MAFF: variants seen among roughly 807,000 people sequenced by gnomAD.
MAFF encodes the protein transcription factor MafF.
Under a neutral mutation model 2.7 loss-of-function variants are expected in MAFF, and 4 were observed. The observed-to-expected ratio is 1.48, with a 90% CI of 0.73 to 3.39. The LOEUF is 3.39. Among genes scored for constraint, MAFF ranks in the 30% most tolerant of loss-of-function variants. The pLI, the probability that MAFF is intolerant of heterozygous loss-of-function variation, is 0.01. For synonymous variants in MAFF, 113 were observed against 119.4 expected (o/e 0.95, Z 0.35); for missense variants, 190 against 246.6 (o/e 0.77, Z 1.54).
At chr22:38,206,517 T>C (rs1261046827) in intron 1 of MAFF, among the ~76,000 whole-genome samples, 1 of 29,110 alleles carries the variant, frequency 3.4e-5, no homozygotes, top group African/African-American at 1.5e-4. Context: ...AATTTTTGCA[T>C]TTTTTTTTTT....
intron 1 of MAFF, among the ~76,000 whole-genome samples, chr22:38,208,607 C>G (rs2091071801): frequency 1.3e-5 from 2 of 152,176 alleles, no homozygotes; most frequent in African/African-American, 4.8e-5. Context: ...ATCCACCCTT[C>G]CCCAGTGCCT....
chr22:38,212,530 C>G (rs62228647), intron 1 of MAFF, among the ~76,000 whole-genome samples: 4 of 152,280 alleles, frequency 2.6e-5, no homozygotes, highest in Admixed American at 2.6e-4. Context: ...CTTTTTCTCC[C>G]CATTACCAAG....
intron 1 of MAFF, among the ~76,000 whole-genome samples, chr22:38,207,820 T>A (rs2091064899): frequency 6.6e-6 from 1 of 152,140 alleles, no homozygotes. Flanking sequence ...GGTCTTGAAC[T>A]CTCAGGCCTG....
At chr22:38,210,010 C>A (rs895561505) in intron 1 of MAFF, among the ~76,000 whole-genome samples, 3 of 152,058 alleles carry the variant, frequency 2.0e-5, no homozygotes, top group African/African-American at 7.2e-5. Flanking sequence ...AGGGCCTGAG[C>A]CCCCTAGGAT....
chr22:38,202,834 G>T lies in MAFF; in HGVS notation c.-32+622G>T, dbSNP rs1207248397. 1 of 152,172 alleles carries T rather than the reference G, an allele frequency of 6.6e-6. No individual in the cohort carries two copies. The highest frequency in any genetic ancestry group is 1.5e-5 in the Non-Finnish European group (1 of 68,038). The allele number at this position is 152,172 out of a possible 1,614,324, so 9.4% of individuals were successfully genotyped here. A position where few individuals can be genotyped will look rare whatever the true frequency, so the allele number is the denominator to read the frequency against. On this transcript the variant is annotated intron_variant, in intron 1 of 2. Transcript: ENST00000338483. The surrounding 1 kb of genome is among the most constrained non-coding windows in gnomAD (Gnocchi z 7.4). ...GGACCCGAGCGAAGGAAGCGGACCC[G>T]TGCGTCTTCGCACGGGGTCTGGGAA...
intron 1 of MAFF, among the ~76,000 whole-genome samples, chr22:38,209,043 G>GTT (rs58201998): frequency 5.4e-5 from 8 of 148,272 alleles, no homozygotes; most frequent in Admixed American, 5.4e-4. Context: ...ACCATGGAAG[G>GTT]TTTTTTTTTT....
rs1229400616 is a variant in MAFF at position 38,215,017 on chromosome 22, CCT to C, written c.*140_*141del. The C allele has an allele frequency of 7.3e-6, 5 of 684,496 alleles. No individual in the cohort carries two copies. The East Asian group carries it at 1.0e-4, about 14-fold the overall frequency. The allele number at this position is 684,496 out of a possible 1,614,324, so 42.4% of individuals were successfully genotyped here. A position where few individuals can be genotyped will look rare whatever the true frequency, so the allele number is the denominator to read the frequency against. On this transcript the variant is annotated 3_prime_UTR_variant, in exon 3 of 3. Coordinates refer to ENST00000338483, the MANE Select transcript of MAFF (RefSeq NM_012323.4). ...GTGCACACACATTCCCTTCGTGGGC[CCT>C]GTCTTCCTCTTGCAGCCCCCCAAAC...
In MAFF at chr22:38,214,811, C is replaced by A; in HGVS notation, c.428C>A (p.Thr143Asn). ...AGCGTCATCACCATCGTCAAGTCCACCCCGGGCTCGGGGTCTGGCCCCGCC... is the reference window on the plus strand; with the variant it reads ...AGCGTCATCACCATCGTCAAGTCCAACCCGGGCTCGGGGTCTGGCCCCGCC... ...PASVITIVKS[T>N]PGSGSGPAHG... Residue 143 changes from threonine (T) to asparagine (N), a missense_variant, in exon 3 of 3, where the codon ACC becomes AAC. By Grantham distance (65) the Thr-to-Asn change is moderately conservative. Transcript: ENST00000338483. The surrounding 1 kb of genome is among the most constrained non-coding windows in gnomAD (Gnocchi z 6.3). 6.7e-7 allele frequency: 1 copy of A among 1,488,604 alleles called. No homozygotes were observed. 92.2% of individuals were successfully genotyped at this position (1,488,604 alleles called of 1,614,324 possible). A position where few individuals can be genotyped will look rare whatever the true frequency, so the allele number is the denominator to read the frequency against.
At chr22:38,209,485 G>C (rs1039813048) in intron 1 of MAFF, among the ~76,000 whole-genome samples, 2 of 152,096 alleles carry the variant, frequency 1.3e-5, no homozygotes, top group East Asian at 3.9e-4. Context: ...GACCTCCCCA[G>C]GTGTGTGTAG....
chr22:38,209,813 CAAAAAAAAA>C (rs398037113), intron 1 of MAFF, among the ~76,000 whole-genome samples: 1 of 76,470 alleles, frequency 1.3e-5, no homozygotes, highest in Non-Finnish European at 2.4e-5. Context: ...GACTCCATCT[CAAAAAAAAA>C]AAAAAAAAAA....
rs1450317451 is a variant in MAFF at position 38,202,131 on chromosome 22, G to C, written c.-113G>C. The C allele has an allele frequency of 6.6e-6, 1 of 152,330 alleles. No homozygotes were observed. Among genetic ancestry groups the C allele is most frequent in the Non-Finnish European group, 1.5e-5 (1 of 68,116 alleles). 9.4% of individuals were successfully genotyped at this position (152,330 alleles called of 1,614,324 possible). On this transcript the variant is annotated 5_prime_UTR_variant, in exon 1 of 3. Coordinates refer to ENST00000338483, the MANE Select transcript of MAFF (RefSeq NM_012323.4). The surrounding 1 kb of genome is among the most constrained non-coding windows in gnomAD (Gnocchi z 7.4). ...GCTCAGAGCGGAGGGGAGACTGACCGGAGCGCGGATCGGGACAGCGGCCGG... is the reference window on the plus strand; with the variant it reads ...GCTCAGAGCGGAGGGGAGACTGACCCGAGCGCGGATCGGGACAGCGGCCGG...
At chr22:38,207,746 C>T (rs757552019) in intron 1 of MAFF, among the ~76,000 whole-genome samples, 19 of 152,042 alleles carry the variant, frequency 1.2e-4, no homozygotes, top group Non-Finnish European at 2.8e-4. Flanking sequence ...TATAGGTGTG[C>T]ACCACTGCAC....
intron 2 of MAFF, 100 bp downstream of exon 2, chr22:38,213,989 TGGC>T: frequency 7.4e-7 from 1 of 1,352,824 alleles, no homozygotes; most frequent in Non-Finnish European, 1.0e-6. Flanking sequence ...ATCCCCTGGG[TGGC>T]TCAGCAGGCA....
At chr22:38,203,790 G>A (rs1386023989) in intron 1 of MAFF, 1 of 152,300 alleles carries the variant, frequency 6.6e-6, no homozygotes, top group African/African-American at 2.4e-5. Flanking sequence ...CTACCACTGG[G>A]AACTAGGTAA....
rs1439583675 is a variant in MAFF, at chr22:38,214,608, G to T, written c.225G>T (p.Gln75His). Reference sequence around the variant, plus strand: ...GCTGCCGCGTGAAGCGCGTGTGCCAGAAGGAGGAGCTGCAGAAGCAGAAGT... The same window carrying T: ...GCTGCCGCGTGAAGCGCGTGTGCCATAAGGAGGAGCTGCAGAAGCAGAAGT... ...AASCRVKRVC[Q>H]KEELQKQKSE... is the part of the protein sequence containing the mutation. The change falls in exon 3 of 3, where the codon CAG (glutamine) becomes CAT (histidine). Residue 75 changes from glutamine to histidine, a missense_variant. Coordinates refer to ENST00000338483, the MANE Select transcript of MAFF (RefSeq NM_012323.4). This position sits in a 1 kb window ranked among gnomAD's most constrained non-coding sequence, Gnocchi z 6.3. 3 of 1,580,554 alleles carry T rather than the reference G, an allele frequency of 1.9e-6. No homozygotes were observed. Among genetic ancestry groups the T allele is most frequent in the Non-Finnish European group, 2.6e-6 (3 of 1,164,052 alleles).
intron 1 of MAFF, among the ~76,000 whole-genome samples, chr22:38,206,876 C>T (rs902721079): frequency 6.6e-6 from 1 of 152,042 alleles, no homozygotes; most frequent in Admixed American, 6.6e-5. Context: ...AGCATCACTG[C>T]ACGTGCCAGC....
Position 38,214,803 on chromosome 22 carries a change from C to G in MAFF, c.420C>G (p.Val140=), listed in dbSNP as rs2091132379. ...CGCCGGCCAGCGTCATCACCATCGT[C>G]AAGTCCACCCCGGGCTCGGGGTCTG... The part of the protein sequence containing the change: ...LVAPASVITI[V]KSTPGSGSGP... Residue 140 remains valine (V), a synonymous_variant, in exon 3 of 3, where the codon GTC becomes GTG. Transcript: ENST00000338483. This position sits in a 1 kb window ranked among gnomAD's most constrained non-coding sequence, Gnocchi z 6.3. 1 of 1,484,716 alleles carries G rather than the reference C, an allele frequency of 6.7e-7. No individual in the cohort carries two copies. Among genetic ancestry groups the G allele is most frequent in the Non-Finnish European group, 8.9e-7 (1 of 1,123,220 alleles). The allele number at this position is 1,484,716 out of a possible 1,614,324, so 92.0% of individuals were successfully genotyped here.
Position 38,202,743 on chromosome 22 carries a change from A to G in MAFF, c.-32+531A>G, listed in dbSNP as rs948468110. The G allele has an allele frequency of 1.3e-5, 2 of 152,282 alleles. No individual in the cohort carries two copies. The highest frequency in any genetic ancestry group is 4.8e-5 in the African/African-American group (2 of 41,386). 9.4% of individuals were successfully genotyped at this position (152,282 alleles called of 1,614,324 possible). ...CGCGCGCGCGCTCCCTGGGGCCTGT[A>G]CACCAGCAGTGTGTACCTCGGAGAG... On this transcript the variant is annotated intron_variant, in intron 1 of 2. Transcript: ENST00000338483. The surrounding 1 kb of genome is among the most constrained non-coding windows in gnomAD (Gnocchi z 7.4).
At chr22:38,207,851 GT>G (rs1195179941) in intron 1 of MAFF, among the ~76,000 whole-genome samples, 1 of 152,152 alleles carries the variant, frequency 6.6e-6, no homozygotes, top group East Asian at 1.9e-4. Context: ...CATGCTGGCT[GT>G]ATGAGCCTGG....
Sources: allele counts gnomAD v4.1 joint callset (sites outside exome capture counted in the v4.1 genomes callset), GRCh38; gene constraint gnomAD v4.1.1; non-coding constraint Gnocchi (gnomAD v3.1); transcripts MANE v1.5; gene names NCBI Gene and HGNC (gene_info 2026-07-23, HGNC 2026-07-21).